NIPSNAP2: variants seen among roughly 807,000 people sequenced by gnomAD.
NIPSNAP2 encodes nipsnap homolog 2.
NIPSNAP2 carries 42 observed loss-of-function variants against 48.4 expected under a neutral mutation model. The ratio of observed to expected loss-of-function variants is 0.87; its 90% CI spans 0.68 to 1.12. The LOEUF is 1.12. NIPSNAP2 is among the 50% of genes most tolerant of loss of function. The pLI, the probability that NIPSNAP2 is intolerant of heterozygous loss-of-function variation, is 0.00. For missense variants in NIPSNAP2, 314 were observed against 347.3 expected, an observed-to-expected ratio of 0.90 and a Z score of 0.76; for synonymous variants, 158 against 126.6, an observed-to-expected ratio of 1.25 and a Z score of -1.67.
At chr7:55,989,479 C>A (rs55953492) in intron 7 of NIPSNAP2, among the ~76,000 whole-genome samples, 1,992 of 152,072 alleles carry the variant, frequency 0.013, 54 homozygotes, top group African/African-American at 0.046. Context: ...ACTAAATTAG[C>A]CAGGTGCAGT....
intron 3 of NIPSNAP2, chr7:55,980,182 A>G (rs1448070655): frequency 9.9e-6 from 2 of 202,992 alleles, no homozygotes; most frequent in Admixed American, 5.2e-5. Context: ...CTGAACATTC[A>G]TGAGTCACGC....
chr7:55,990,790 TC>T (rs1334473167), intron 7 of NIPSNAP2, among the ~76,000 whole-genome samples: 1 of 150,314 alleles, frequency 6.7e-6, no homozygotes, highest in East Asian at 1.9e-4. Context: ...TTTTTCTTTT[TC>T]TTTTTTTTTT....
chr7:55,965,829 C>T (rs1786882029), intron 1 of NIPSNAP2, among the ~76,000 whole-genome samples: 1 of 152,144 alleles, frequency 6.6e-6, no homozygotes. Flanking sequence ...GATCCACCTG[C>T]CGCGGCCTCC....
At chr7:55,982,352 T>C (rs1332772683) in intron 5 of NIPSNAP2, 72 bp downstream of exon 5, 8 of 926,444 alleles carry the variant, frequency 8.6e-6, no homozygotes, top group Non-Finnish European at 1.3e-5. Flanking sequence ...ATGACTTTTC[T>C]GTCTTCAGTT....
At chr7:55,972,684 C>T (rs1035521755) in intron 1 of NIPSNAP2, among the ~76,000 whole-genome samples, 1 of 152,126 alleles carries the variant, frequency 6.6e-6, no homozygotes, top group Non-Finnish European at 1.5e-5. Context: ...CCTCCTTGGC[C>T]TCCCAAAGTG....
chr7:55,972,107 A>G (rs1431022854), intron 1 of NIPSNAP2, among the ~76,000 whole-genome samples: 3 of 152,102 alleles, frequency 2.0e-5, no homozygotes, highest in African/African-American at 4.8e-5. Flanking sequence ...GGGGTTCAAG[A>G]CCAGCCTGGC....
intron 1 of NIPSNAP2, among the ~76,000 whole-genome samples, chr7:55,968,379 ACTTT>A (rs1205482132): frequency 1.6e-3 from 232 of 145,632 alleles, no homozygotes; most frequent in Middle Eastern, 7.2e-3. Context: ...TCCAAACTCT[ACTTT>A]CTTTTTTTTT....
At chr7:55,980,201 C>T (rs1001296762) in intron 3 of NIPSNAP2, 1 of 183,104 alleles carries the variant, frequency 5.5e-6, no homozygotes, top group African/African-American at 2.3e-5. Flanking sequence ...GCATCAGATA[C>T]ATTTAATATC....
chr7:55,964,697 C>A lies in NIPSNAP2; in HGVS notation c.88C>A (p.Leu30Ile). ...RAAPCSLLPR[L>I]RTWTSSSNRS... ...GGCCCCCTGCAGCCTCCTGCCCAGGCTCCGGTGAGCAGCGCCGCCCTTCCC... is the reference window on the plus strand; with the variant it reads ...GGCCCCCTGCAGCCTCCTGCCCAGGATCCGGTGAGCAGCGCCGCCCTTCCC... The change falls in exon 1 of 10, where the codon CTC (leucine) becomes ATC (isoleucine). Residue 30 changes from leucine (L) to isoleucine (I), a missense_variant. Transcript: ENST00000322090. 3 of 1,122,126 alleles carry A rather than the reference C, an allele frequency of 2.7e-6. No homozygotes were observed. Among genetic ancestry groups the A allele is most frequent in the Non-Finnish European group, 3.3e-6 (3 of 917,544 alleles). The allele number at this position is 1,122,126 out of a possible 1,614,324, so 69.5% of individuals were successfully genotyped here.
At chr7:55,995,123 C>T (rs1039859415) in intron 8 of NIPSNAP2, 135 bp downstream of exon 8, 6 of 716,280 alleles carry the variant, frequency 8.4e-6, no homozygotes, top group Admixed American at 2.2e-5. Flanking sequence ...ACAGTCTGTA[C>T]GGGGCTGTCT....
rs1378471978 is a variant in NIPSNAP2 at position 55,978,250 on chromosome 7, C to T, written c.217C>T (p.Leu73=). The change falls in exon 2 of 10, where the codon CTA becomes TTA. Residue 73 remains leucine (L), a synonymous_variant. Transcript: ENST00000322090. ...CCTAGCCAAAAAGGAAACAAGCAAT[C>T]TATACAAATTACAGTGTGAGTGACA... The part of the protein sequence containing the change: ...NLLAKKETSN[L]YKLQFHNVKP... 1 of 1,614,066 alleles carries T rather than the reference C, an allele frequency of 6.2e-7. No homozygotes were observed. The highest frequency in any genetic ancestry group is 1.3e-5 in the African/African-American group (1 of 74,934).
chr7:55,966,292 G>A lies in NIPSNAP2; in HGVS notation c.92+1591G>A, dbSNP rs149285067. On this transcript the variant is annotated intron_variant, in intron 1 of 9. Transcript: ENST00000322090. ...ATAGACACATGGATTTCATTATACT[G>A]TTTCGTATTTGATTTACGTTTTTCA... Among the ~76,000 whole-genome samples the A allele has an allele frequency of 4.1e-3, 624 of 152,240 alleles. 4 individuals are homozygous for A. The highest frequency in any genetic ancestry group is 0.014 in the African/African-American group (583 of 41,548).
At chr7:55,965,809 G>A (rs1027277576) in intron 1 of NIPSNAP2, among the ~76,000 whole-genome samples, 2 of 152,124 alleles carry the variant, frequency 1.3e-5, no homozygotes, top group African/African-American at 4.8e-5. Flanking sequence ...TCGAACTCCT[G>A]ACCTCAGGTG....
chr7:55,987,666 A>G (rs1450675575), intron 7 of NIPSNAP2, among the ~76,000 whole-genome samples: 2 of 152,210 alleles, frequency 1.3e-5, no homozygotes, highest in Admixed American at 6.5e-5. Flanking sequence ...TTATACTGCA[A>G]TATGGTGAAC....
At chr7:55,969,270 A>G (rs1462307567) in intron 1 of NIPSNAP2, among the ~76,000 whole-genome samples, 7 of 151,770 alleles carry the variant, frequency 4.6e-5, no homozygotes, top group Admixed American at 4.6e-4. Context: ...GGTGGTGGGG[A>G]GGGGAGTCAG....
chr7:55,990,433 G>A (rs1787419688), intron 7 of NIPSNAP2, among the ~76,000 whole-genome samples: 1 of 151,984 alleles, frequency 6.6e-6, no homozygotes, highest in African/African-American at 2.4e-5. Context: ...GGGTTTCACT[G>A]TGTTAGCCAG....
chr7:55,977,249 G>A (rs979532707), intron 1 of NIPSNAP2, among the ~76,000 whole-genome samples: 35 of 152,124 alleles, frequency 2.3e-4, no homozygotes, highest in African/African-American at 8.4e-4. Flanking sequence ...AAATTAGCTG[G>A]GTGTGGTGGT....
chr7:55,966,481 A>G (rs558951801), intron 1 of NIPSNAP2, among the ~76,000 whole-genome samples: 1 of 152,134 alleles, frequency 6.6e-6, no homozygotes, highest in South Asian at 2.1e-4. Context: ...TGTATAATGA[A>G]ACTTTTTTTA....
Position 55,982,268 on chromosome 7 carries a change from C to A in NIPSNAP2, c.432C>A (p.Leu144=). Residue 144 remains leucine (L), a synonymous_variant, in exon 5 of 10, where the codon CTC becomes CTA. Coordinates refer to ENST00000322090, the MANE Select transcript of NIPSNAP2 (RefSeq NM_001483.3). ...YPALTEVMNK[L]RENKEFLEFR... is the part of the protein sequence containing the mutation. ...CCCTCACAGAAGTCATGAATAAACT[C>A]AGAGAAAATAAGGTAATGATATTGA... 6.3e-7 allele frequency: 1 copy of A among 1,596,488 alleles called. No individual in the cohort carries two copies. The highest frequency in any genetic ancestry group is 1.1e-5 in the South Asian group (1 of 90,456).
Sources: gnomAD v4.1 joint callset for allele counts (sites outside exome capture counted in the v4.1 genomes callset) on GRCh38, gnomAD v4.1.1 for gene constraint, MANE v1.5 for transcripts, NCBI Gene and HGNC (gene_info 2026-07-23, HGNC 2026-07-21) for gene names.